Variants in ADD1 observed in about 807,000 individuals in gnomAD.
ADD1 encodes the protein adducin 1, also known as alpha-adducin.
Under a neutral mutation model 80.5 loss-of-function variants are expected in ADD1, and 24 were observed. That is an observed-to-expected ratio of 0.30 (90% CI 0.22 to 0.42). ADD1 has a LOEUF of 0.42. Among genes scored for constraint, ADD1 ranks in the 10% least tolerant of loss-of-function variants. ADD1 has a pLI of 1.00. For missense variants in ADD1, 948 were observed against 1,019.0 expected (o/e 0.93, Z 0.95); for synonymous variants, 373 against 393.8 (o/e 0.95, Z 0.63).
At chr4:2,874,892 T>C (rs1731036048) in intron 1 of ADD1, among the ~76,000 whole-genome samples, 1 of 152,176 alleles carries the variant, frequency 6.6e-6, no homozygotes, top group African/African-American at 2.4e-5. Flanking sequence ...TAATGAATCT[T>C]AATTTGTGTA....
rs397879163 is a variant in ADD1, at chr4:2,877,001, CAAA to C, written c.195+907_195+909del. On this transcript the variant is annotated intron_variant, in intron 2 of 15. Transcript: ENST00000683351. The stretch of plus-strand genomic sequence containing the variant: ...TGGGCAACAGAGCGAGACTCTGTCT[CAAA>C]AAAAAAAAAAAAAAACCCTAGCTCA... 8.4e-3 allele frequency among the ~76,000 whole-genome samples: 997 copies of C among 118,134 alleles called. 2 individuals carry two copies. Among genetic ancestry groups the C allele is most frequent in the Non-Finnish European group, 0.012 (673 of 55,766 alleles). 77.5% of individuals were successfully genotyped at this position (118,134 alleles called of 152,430 possible).
Position 2,899,426 on chromosome 4 carries a change from C to T in ADD1, c.1152C>T (p.Leu384=), listed in dbSNP as rs145251004. ...AATTTGAAGCCCTCATGCGGATGCT[C>T]GATAATCTGGTAAGAATGGTGCCAC... ...EQEFEALMRM[L]DNLGYRTGYP... Residue 384 remains leucine, a synonymous_variant, in exon 9 of 16, where the codon CTC becomes CTT. Transcript: ENST00000683351. 9.0e-4 allele frequency: 1,446 copies of T among 1,614,064 alleles called. 1 individual carries two copies. Among genetic ancestry groups the T allele is most frequent in the Non-Finnish European group, 1.1e-3 (1,354 of 1,180,012 alleles).
chr4:2,899,004 A>G (rs964761060), intron 8 of ADD1: 15 of 477,334 alleles, frequency 3.1e-5, no homozygotes, highest in Middle Eastern at 1.2e-3. Context: ...GTGAAGTCCC[A>G]AGTCCTTTGT....
intron 13 of ADD1, among the ~76,000 whole-genome samples, chr4:2,909,673 T>G (rs1374847740): frequency 6.6e-6 from 1 of 152,164 alleles, no homozygotes; most frequent in African/African-American, 2.4e-5. Flanking sequence ...AAATGGCCAG[T>G]CTGAGCAACG....
chr4:2,875,764 C>T (rs1031897563), intron 1 of ADD1, 132 bp from the exon 2 acceptor site: 83 of 706,986 alleles, frequency 1.2e-4, no homozygotes, highest in Non-Finnish European at 2.4e-5. Flanking sequence ...CCTCACAGGT[C>T]ATGGTTTCCA....
chr4:2,894,848 T>TAA, intron 6 of ADD1, 117 bp downstream of exon 6: 1 of 1,166,480 alleles, frequency 8.6e-7, no homozygotes, highest in Non-Finnish European at 1.2e-6. Context: ...TTGTTGAATA[T>TAA]AAAAAAAAAG....
At chr4:2,888,075 T>A (rs1332270455) in intron 4 of ADD1, among the ~76,000 whole-genome samples, 7 of 151,350 alleles carry the variant, frequency 4.6e-5, no homozygotes, top group Non-Finnish European at 8.8e-5. Context: ...TATTATTATT[T>A]TTGAGACAGG....
intron 2 of ADD1, among the ~76,000 whole-genome samples, chr4:2,880,217 G>A (rs1050430345): frequency 6.6e-6 from 1 of 152,016 alleles, no homozygotes; most frequent in African/African-American, 2.4e-5. Flanking sequence ...GGTAAATAGG[G>A]GGTCCTCAGA....
At chr4:2,907,425 G>A (rs1452233886) in intron 10 of ADD1, 1 of 229,636 alleles carries the variant, frequency 4.4e-6, no homozygotes, top group Non-Finnish European at 8.8e-6. Flanking sequence ...TCTCTGAGGG[G>A]CCTCCCCTGC....
In ADD1 at chr4:2,929,348, C is replaced by G. The variant is rs997318686; in HGVS notation, c.*825C>G. On this transcript the variant is annotated 3_prime_UTR_variant, in exon 16 of 16. Transcript: ENST00000683351. ...TCTTTCCAGACCCCACAGTAGAGCA[C>G]TTTTCACTTATTTGGGGGAGGCTTC... The G allele has an allele frequency of 6.6e-6, 1 of 152,252 alleles. No homozygotes were observed. The highest frequency in any genetic ancestry group is 1.5e-5 in the Non-Finnish European group (1 of 68,076). The allele number at this position is 152,252 out of a possible 1,614,324, so 9.4% of individuals were successfully genotyped here.
intron 1 of ADD1, among the ~76,000 whole-genome samples, chr4:2,847,865 A>G (rs1726489174): frequency 6.6e-6 from 1 of 152,088 alleles, no homozygotes; most frequent in Non-Finnish European, 1.5e-5. Context: ...AGCCTTTCCT[A>G]AGGAGGCAAC....
chr4:2,911,693 C>CA (rs1213246275), intron 13 of ADD1, among the ~76,000 whole-genome samples: 5 of 152,036 alleles, frequency 3.3e-5, no homozygotes, highest in African/African-American at 1.2e-4. Flanking sequence ...TGAGCTCAAG[C>CA]AGTCCACCTG....
intron 12 of ADD1, 75 bp downstream of exon 12, chr4:2,908,679 TGA>T: frequency 1.6e-6 from 2 of 1,252,386 alleles, no homozygotes; most frequent in South Asian, 2.4e-5. Flanking sequence ...ATTCTGAAAT[TGA>T]GAGAGTGACT....
intron 1 of ADD1, among the ~76,000 whole-genome samples, chr4:2,857,140 C>T (rs912079176): frequency 1.3e-5 from 2 of 151,882 alleles, no homozygotes; most frequent in African/African-American, 4.8e-5. Flanking sequence ...TCTTGAACTC[C>T]TGACCTCATG....
At chr4:2,918,221 A>G (rs1054408011) in intron 14 of ADD1, among the ~76,000 whole-genome samples, 9 of 152,204 alleles carry the variant, frequency 5.9e-5, no homozygotes, top group Non-Finnish European at 8.8e-5. Flanking sequence ...TTCTCCTCGA[A>G]GAGGTCTTTC....
chr4:2,869,811 C>T (rs1259494505), intron 1 of ADD1, among the ~76,000 whole-genome samples: 1 of 152,178 alleles, frequency 6.6e-6, no homozygotes, highest in African/African-American at 2.4e-5. Context: ...GCAGAGATCA[C>T]CTCTCTTCTT....
At position 2,887,687 on chromosome 4, in the gene ADD1, T is replaced by A. The variant is rs1431969172; in HGVS notation, c.510+3021T>A. On this transcript the variant is annotated intron_variant, in intron 4 of 15. Transcript: ENST00000683351. ...ACCCACCTTTGTGACCAGTGCCCTG[T>A]GCTTCAGGGACGTGATAGTGGTCTC... 7 of 152,298 alleles carry A rather than the reference T, an allele frequency of 4.6e-5. No homozygotes were observed. The East Asian group carries it at 1.4e-3, about 29-fold the overall frequency. 9.4% of individuals were successfully genotyped at this position (152,298 alleles called of 1,614,324 possible).
chr4:2,853,465 A>G (rs745905216), intron 1 of ADD1, among the ~76,000 whole-genome samples: 6 of 152,192 alleles, frequency 3.9e-5, no homozygotes, highest in Non-Finnish European at 5.9e-5. Context: ...AGTGAAGCCA[A>G]TAGTTTCCAA....
chr4:2,912,571 T>G (rs1433630445), intron 13 of ADD1, among the ~76,000 whole-genome samples: 2 of 152,080 alleles, frequency 1.3e-5, no homozygotes, highest in African/African-American at 2.4e-5. Context: ...CTCTGGCCCA[T>G]GCTGGAGTGC....
Sources: allele counts gnomAD v4.1 joint callset (sites outside exome capture counted in the v4.1 genomes callset), GRCh38; gene constraint gnomAD v4.1.1; transcripts MANE v1.5; gene names NCBI Gene and HGNC (gene_info 2026-07-23, HGNC 2026-07-21).